Variants in PTPN2 observed in about 807,000 individuals in gnomAD.
PTPN2 encodes the protein tyrosine-protein phosphatase non-receptor type 2.
Under a neutral mutation model 57.3 loss-of-function variants are expected in PTPN2, and 19 were observed. That is an observed-to-expected ratio of 0.33 (90% confidence interval 0.23 to 0.49). PTPN2 has a LOEUF of 0.49. Among genes scored for constraint, PTPN2 ranks in the 20% least tolerant of loss-of-function variants. The pLI is 0.99. For missense variants in PTPN2, 358 were observed against 501.1 expected (o/e 0.71, Z 2.73); for synonymous variants, 153 against 164.9 (o/e 0.93, Z 0.55).
chr18:12,802,205 C>A, intron 7 of PTPN2, 54 bp from the exon 8 acceptor site: 1 of 1,314,396 alleles, frequency 7.6e-7, no homozygotes, highest in Non-Finnish European at 1.0e-6. Context: ...ATTTATTTTC[C>A]TTAAATAAAA....
Position 12,854,493 on chromosome 18 carries a change from C to A in PTPN2, c.160+4671G>T, listed in dbSNP as rs190146404. Among the ~76,000 whole-genome samples, 13 of 151,930 alleles carry A rather than the reference C, an allele frequency of 8.6e-5. No individual in the cohort carries two copies. The East Asian group carries it at 2.5e-3, about 29-fold the overall frequency. ...TCAGAAAATGTGTAAATAACGGCACCACTTATAAACATGGGGAAAAGGAGA... is the reference window on the plus strand; with the variant it reads ...TCAGAAAATGTGTAAATAACGGCACAACTTATAAACATGGGGAAAAGGAGA... On this transcript the variant is annotated intron_variant, in intron 2 of 8. Transcript: ENST00000309660.
intron 8 of PTPN2, among the ~76,000 whole-genome samples, chr18:12,798,574 C>A (rs1222041000): frequency 1.3e-5 from 2 of 152,190 alleles, no homozygotes; most frequent in Admixed American, 1.3e-4. Context: ...CAAGCCCCTA[C>A]AAAGGACATG....
rs1385843772 is a variant in PTPN2, at chr18:12,884,135, T to C, written c.7A>G (p.Thr3Ala). Reference sequence around the variant, plus strand: ...TCTTCGAACTCCCGCTCGATGGTGGTGGGCATGGCTGCGGGAGCGAGCTGG... The same window carrying C: ...TCTTCGAACTCCCGCTCGATGGTGGCGGGCATGGCTGCGGGAGCGAGCTGG... Reference protein sequence around the residue: MPTTIEREFEELD... With the variant: MPATIEREFEELD... Residue 3 changes from threonine to alanine, a missense_variant, in exon 1 of 9, where the codon ACC (threonine) becomes GCC (alanine). By Grantham distance (58) the Thr-to-Ala change is moderately conservative. Around this residue, in one of 4 missense-constraint regions of PTPN2, gnomAD observed 62 missense variants for 47.9 expected, o/e 1.29. Transcript: ENST00000309660. 1.3e-6 allele frequency: 2 copies of C among 1,584,108 alleles called. No homozygotes were observed. Among genetic ancestry groups the C allele is most frequent in the Non-Finnish European group, 1.7e-6 (2 of 1,166,784 alleles).
At chr18:12,875,663 G>A (rs748839182) in intron 1 of PTPN2, among the ~76,000 whole-genome samples, 3 of 152,158 alleles carry the variant, frequency 2.0e-5, no homozygotes, top group Non-Finnish European at 2.9e-5. Flanking sequence ...CAAATCATAC[G>A]TAACGTTTAT....
chr18:12,869,931 A>G (rs2044129325), intron 1 of PTPN2, among the ~76,000 whole-genome samples: 1 of 152,198 alleles, frequency 6.6e-6, no homozygotes, highest in Non-Finnish European at 1.5e-5. Context: ...GCATACTTTG[A>G]AACACCATTA....
At chr18:12,870,426 CGTATATATATATGTGT>C (rs2044200489) in intron 1 of PTPN2, among the ~76,000 whole-genome samples, 7 of 22,046 alleles carry the variant, frequency 3.2e-4, no homozygotes, top group Admixed American at 6.5e-4. Flanking sequence ...TATATATATA[CGTATATATATATGTGT>C]ATATATATAT....
At chr18:12,863,000 TAAAC>T (rs1406521886) in intron 1 of PTPN2, among the ~76,000 whole-genome samples, 1 of 151,134 alleles carries the variant, frequency 6.6e-6, no homozygotes, top group Non-Finnish European at 1.5e-5. Context: ...GACACAAAAA[TAAAC>T]AATTTTATAA....
chr18:12,836,068 T>C (rs930685238), intron 3 of PTPN2, among the ~76,000 whole-genome samples: 31 of 152,262 alleles, frequency 2.0e-4, no homozygotes, highest in African/African-American at 7.2e-4. Context: ...ATTTAAGTTA[T>C]GTTTTCAAAA....
intron 3 of PTPN2, among the ~76,000 whole-genome samples, chr18:12,836,281 A>G (rs558457227): frequency 6.6e-6 from 1 of 152,376 alleles, no homozygotes; most frequent in South Asian, 2.1e-4. Flanking sequence ...ACTGGGCAGA[A>G]GGCCACAGGG....
chr18:12,871,047 CTCCA>C (rs2044255003), intron 1 of PTPN2, among the ~76,000 whole-genome samples: 2 of 152,102 alleles, frequency 1.3e-5, no homozygotes, highest in South Asian at 2.1e-4. Context: ...GTCTGTCTTC[CTCCA>C]TCCAAGTATC....
chr18:12,813,874 A>C (rs1352879966), intron 7 of PTPN2, among the ~76,000 whole-genome samples: 2 of 152,262 alleles, frequency 1.3e-5, no homozygotes, highest in African/African-American at 4.8e-5. Context: ...TAAACCAAGT[A>C]TCAGTGTTTA....
chr18:12,791,951 TAACATA>T (rs1413772576), downstream of PTPN2, among the ~76,000 whole-genome samples: 1 of 152,060 alleles, frequency 6.6e-6, no homozygotes, highest in African/African-American at 2.4e-5. Flanking sequence ...ACTTGCAGAG[TAACATA>T]AACATACTGC....
In PTPN2 at chr18:12,870,296, T is replaced by C. The variant is rs1406474089; in HGVS notation, c.70-11042A>G. Among the ~76,000 whole-genome samples, 4 of 71,398 alleles carry C rather than the reference T, an allele frequency of 5.6e-5. 1 individual carries two copies. The highest frequency in any genetic ancestry group is 3.2e-4 in the African/African-American group (4 of 12,504). 46.8% of individuals were successfully genotyped at this position (71,398 alleles called of 152,430 possible). A position where few individuals can be genotyped will look rare whatever the true frequency, so the allele number is the denominator to read the frequency against. On this transcript the variant is annotated intron_variant, in intron 1 of 8. Transcript: ENST00000309660. ...ATGTATATATATACATATACATATATATGTGTATATATACATATATATGTG... is the reference window on the plus strand; with the variant it reads ...ATGTATATATATACATATACATATACATGTGTATATATACATATATATGTG...
intron 4 of PTPN2, among the ~76,000 whole-genome samples, chr18:12,829,044 T>A (rs576924960): frequency 6.6e-6 from 1 of 152,146 alleles, no homozygotes; most frequent in African/African-American, 2.4e-5. Context: ...ACTACAGGCA[T>A]GCGCCACCAC....
At chr18:12,819,295 A>C (rs1269750226) in intron 5 of PTPN2, 3 of 1,288,762 alleles carry the variant, frequency 2.3e-6, no homozygotes, top group South Asian at 2.8e-5. Context: ...AAAAGCAATA[A>C]AAAATTTCTC....
intron 7 of PTPN2, among the ~76,000 whole-genome samples, 191 bp downstream of exon 7, chr18:12,814,012 A>G (rs1330836029): frequency 6.6e-6 from 1 of 152,206 alleles, no homozygotes; most frequent in Non-Finnish European, 1.5e-5. Flanking sequence ...AACACACAGG[A>G]TTTAACCTGA....
chr18:12,849,836 G>A (rs1184900490), intron 2 of PTPN2, among the ~76,000 whole-genome samples: 1 of 151,692 alleles, frequency 6.6e-6, no homozygotes, highest in Non-Finnish European at 1.5e-5. Context: ...GTCAGTTTTG[G>A]TAAATTATGT....
chr18:12,870,299 GTGTATATATACATATATA>G (rs2044157547), intron 1 of PTPN2, among the ~76,000 whole-genome samples: 3 of 42,826 alleles, frequency 7.0e-5, no homozygotes, highest in African/African-American at 1.4e-4. Flanking sequence ...ACATATATAT[GTGTATATATACATATATA>G]TGTGTATATA....
At chr18:12,883,913 GTCAGCGCAGGCGCGC>G in intron 1 of PTPN2, 145 bp downstream of exon 1, 1 of 533,874 alleles carries the variant, frequency 1.9e-6, no homozygotes, top group Non-Finnish European at 3.2e-6. Flanking sequence ...CAAGAGAGCG[GTCAGCGCAGGCGCGC>G]CCCTGACGCG....
Sources: allele counts gnomAD v4.1 joint callset (sites outside exome capture counted in the v4.1 genomes callset), GRCh38; gene constraint gnomAD v4.1.1; regional missense constraint gnomAD v4.1.1; transcripts MANE v1.5; gene names NCBI Gene and HGNC (gene_info 2026-07-23, HGNC 2026-07-21).